TMEM117: variants seen among roughly 807,000 people sequenced by gnomAD.
TMEM117 encodes the protein transmembrane protein 117.
A neutral mutation model predicts 52.4 loss-of-function variants in TMEM117; 27 were observed. The ratio of observed to expected loss-of-function variants is 0.51; its 90% CI spans 0.38 to 0.71. The LOEUF (loss-of-function observed/expected upper bound fraction) is 0.71. Ranked by LOEUF, TMEM117 falls within the 30% of genes least tolerant of loss-of-function variation. TMEM117 has a pLI of 0.00. For missense variants in TMEM117, 556 were observed against 630.5 expected (o/e 0.88, Z 1.26); for synonymous variants, 215 against 206.3 (o/e 1.04, Z -0.36).
chr12:44,240,742 A>G (rs1427669292), intron 5 of TMEM117, among the ~76,000 whole-genome samples: 1 of 152,028 alleles, frequency 6.6e-6, no homozygotes. Context: ...CATTTTATAG[A>G]AAAAAACATA....
At chr12:44,206,781 T>A (rs1441197296) in intron 4 of TMEM117, among the ~76,000 whole-genome samples, 1 of 151,952 alleles carries the variant, frequency 6.6e-6, no homozygotes, top group African/African-American at 2.4e-5. Context: ...GGAGGCACAA[T>A]GATGGGAACA....
In TMEM117 at chr12:44,249,139, G is replaced by A. The variant is rs117368850; in HGVS notation, c.608+37752G>A. 920 of 152,380 alleles carry A rather than the reference G, an allele frequency of 6.0e-3. 3 individuals carry two copies. Among genetic ancestry groups the A allele is most frequent in the Non-Finnish European group, 9.9e-3 (672 of 68,102 alleles). The allele number at this position is 152,380 out of a possible 1,614,324, so 9.4% of individuals were successfully genotyped here. A position where few individuals can be genotyped will look rare whatever the true frequency, so the allele number is the denominator to read the frequency against. On this transcript the variant is annotated intron_variant, in intron 5 of 7. Transcript: ENST00000266534. Reference sequence around the variant, plus strand: ...AGGCATCTCACATAGCAGAGCAGGAGCAAGAGAGGAAATAAAGATATTTAA... The same window carrying A: ...AGGCATCTCACATAGCAGAGCAGGAACAAGAGAGGAAATAAAGATATTTAA...
In TMEM117 at chr12:44,389,508, A is replaced by T. The variant is rs1254972614; in HGVS notation, c.*836A>T. 1 of 152,534 alleles carries T rather than the reference A, an allele frequency of 6.6e-6. No homozygotes were observed. Among genetic ancestry groups the T allele is most frequent in the Non-Finnish European group, 1.5e-5 (1 of 68,000 alleles). 9.4% of individuals were successfully genotyped at this position (152,534 alleles called of 1,614,324 possible). A position where few individuals can be genotyped will look rare whatever the true frequency, so the allele number is the denominator to read the frequency against. ...AAGGAACTGAAGTTTTCATCATATGAGAGCAGCACATCCCACCATTTACAA... is the reference window on the plus strand; with the variant it reads ...AAGGAACTGAAGTTTTCATCATATGTGAGCAGCACATCCCACCATTTACAA... On this transcript the variant is annotated 3_prime_UTR_variant, in exon 8 of 8. Coordinates refer to ENST00000266534, the MANE Select transcript of TMEM117 (RefSeq NM_032256.3).
intron 3 of TMEM117, among the ~76,000 whole-genome samples, chr12:44,085,492 A>G (rs1225893607): frequency 6.6e-6 from 1 of 152,212 alleles, no homozygotes; most frequent in Non-Finnish European, 1.5e-5. Flanking sequence ...GTTTGCTATC[A>G]CTAAATTACC....
At chr12:44,201,707 A>G (rs11830719) in intron 4 of TMEM117, among the ~76,000 whole-genome samples, 30,967 of 152,142 alleles carry the variant, frequency 0.2, 5,435 homozygotes, top group African/African-American at 0.48. Flanking sequence ...AATGTGACCC[A>G]ATAATTTTAA....
At chr12:44,332,738 CACACACACACAG>C (rs1036083416) in intron 6 of TMEM117, among the ~76,000 whole-genome samples, 3 of 151,508 alleles carry the variant, frequency 2.0e-5, no homozygotes, top group Admixed American at 2.0e-4. Flanking sequence ...CACACACACA[CACACACACACAG>C]ACACACACAC....
chr12:44,105,082 CTCTT>C, intron 3 of TMEM117, among the ~76,000 whole-genome samples: 1 of 152,040 alleles, frequency 6.6e-6, no homozygotes, highest in Non-Finnish European at 1.5e-5. Context: ...TTCTCTCTTT[CTCTT>C]TCTGTTAGTC....
At chr12:43,878,893 A>G (rs1943848471) in intron 2 of TMEM117, among the ~76,000 whole-genome samples, 1 of 152,208 alleles carries the variant, frequency 6.6e-6, no homozygotes, top group African/African-American at 2.4e-5. Context: ...GCAGGTGACC[A>G]TTCATAAATG....
chr12:43,968,401 T>C (rs1945520378), intron 3 of TMEM117, among the ~76,000 whole-genome samples: 1 of 152,336 alleles, frequency 6.6e-6, no homozygotes, highest in African/African-American at 2.4e-5. Context: ...ATCTTGCATA[T>C]TTGACTTTTT....
intron 3 of TMEM117, among the ~76,000 whole-genome samples, chr12:44,034,171 C>T (rs986948717): frequency 2.0e-5 from 3 of 152,174 alleles, no homozygotes; most frequent in Admixed American, 6.5e-5. Flanking sequence ...CCTTTAATTA[C>T]ACTGTGATAG....
At chr12:44,397,532 G>A in the TMEM117 span, among the ~76,000 whole-genome samples, 5 of 152,250 alleles carry the variant, frequency 3.3e-5, no homozygotes, top group South Asian at 8.3e-4. Flanking sequence ...ATAAACACAA[G>A]TCGGAAGCTC....
At chr12:44,053,518 A>G (rs1947007411) in intron 3 of TMEM117, among the ~76,000 whole-genome samples, 2 of 152,138 alleles carry the variant, frequency 1.3e-5, no homozygotes, top group African/African-American at 4.8e-5. Context: ...TGGTTAAATC[A>G]TTGGCCATGT....
intron 3 of TMEM117, among the ~76,000 whole-genome samples, chr12:44,010,870 C>G (rs1946279161): frequency 6.6e-6 from 1 of 152,208 alleles, no homozygotes; most frequent in African/African-American, 2.4e-5. Context: ...CATGAGCATA[C>G]ATAATCAGAT....
rs544895532 is a variant in TMEM117, at chr12:44,348,909, C to A, written c.769-27686C>A. On this transcript the variant is annotated intron_variant, in intron 6 of 7. Coordinates refer to ENST00000266534, the MANE Select transcript of TMEM117 (RefSeq NM_032256.3). Reference sequence around the variant, plus strand: ...TTCTGAAAGAGTATTGATTGAATGTCAGTCAGAGAGGTGATTGTCAGAGAG... The same window carrying A: ...TTCTGAAAGAGTATTGATTGAATGTAAGTCAGAGAGGTGATTGTCAGAGAG... Among the ~76,000 whole-genome samples the A allele has an allele frequency of 1.4e-3, 217 of 152,008 alleles. 1 individual carries two copies. The highest frequency in any genetic ancestry group is 3.4e-3 in the Admixed American group (52 of 15,224).
intron 3 of TMEM117, among the ~76,000 whole-genome samples, chr12:44,042,808 A>T (rs1555196313): frequency 8.6e-5 from 11 of 128,592 alleles, no homozygotes; most frequent in Admixed American, 2.3e-4. Flanking sequence ...ACACACACAC[A>T]CTTATTAGTT....
intron 4 of TMEM117, among the ~76,000 whole-genome samples, chr12:44,175,541 A>T (rs1318941894): frequency 2.0e-5 from 3 of 152,200 alleles, no homozygotes; most frequent in Non-Finnish European, 4.4e-5. Flanking sequence ...GGGAGAATAC[A>T]GTTGGATATA....
At chr12:44,036,820 A>G (rs115307996) in intron 3 of TMEM117, among the ~76,000 whole-genome samples, 2,732 of 152,330 alleles carry the variant, frequency 0.018, 36 homozygotes, top group Middle Eastern at 0.044. Flanking sequence ...GGTTGTACCA[A>G]TTTATACTCT....
intron 3 of TMEM117, among the ~76,000 whole-genome samples, chr12:44,065,397 GA>G (rs952306643): frequency 7.6e-5 from 11 of 144,354 alleles, no homozygotes; most frequent in South Asian, 4.4e-4. Flanking sequence ...CAAATAAAAA[GA>G]AAAAAAAAAG....
At chr12:44,211,423 C>T (rs753123833) in intron 5 of TMEM117, 36 bp downstream of exon 5, 1 of 1,449,934 alleles carries the variant, frequency 6.9e-7, no homozygotes, top group East Asian at 2.3e-5. Context: ...TTCTGCCTTG[C>T]CTCATTCACT....
Sources: allele counts gnomAD v4.1 joint callset (sites outside exome capture counted in the v4.1 genomes callset), GRCh38; gene constraint gnomAD v4.1.1; transcripts MANE v1.5; gene names NCBI Gene and HGNC (gene_info 2026-07-23, HGNC 2026-07-21).